NRXN3: variants seen among roughly 807,000 people sequenced by gnomAD.
NRXN3 encodes the protein neurexin 3.
A neutral mutation model predicts 137.6 loss-of-function variants in NRXN3; 32 were observed. The observed-to-expected ratio is 0.23, with a 90% confidence interval of 0.18 to 0.31. The LOEUF (loss-of-function observed/expected upper bound fraction) is 0.31. Among genes scored for constraint, NRXN3 ranks in the 10% least tolerant of loss-of-function variants. The pLI is 1.00. For missense variants in NRXN3, 1,574 were observed against 2,062.5 expected (o/e 0.76, Z 4.59); for synonymous variants, 798 against 784.5 (o/e 1.02, Z -0.29).
At chr14:79,378,415 C>G (rs551325591) in intron 15 of NRXN3, among the ~76,000 whole-genome samples, 2 of 152,280 alleles carry the variant, frequency 1.3e-5, no homozygotes, top group East Asian at 3.9e-4. Context: ...CTGGTTAAAA[C>G]TGAGTGTCAG....
chr14:79,832,212 A>T (rs1254579366), intron 20 of NRXN3, among the ~76,000 whole-genome samples: 7 of 152,144 alleles, frequency 4.6e-5, no homozygotes, highest in Non-Finnish European at 8.8e-5. Flanking sequence ...TTGTTGAATG[A>T]GTCGAGGGCA....
intron 10 of NRXN3, among the ~76,000 whole-genome samples, chr14:78,856,009 A>G (rs1157298809): frequency 6.6e-6 from 1 of 152,076 alleles, no homozygotes; most frequent in Non-Finnish European, 1.5e-5. Flanking sequence ...TTCTTTCCTC[A>G]TTGGTACCAA....
intron 16 of NRXN3, among the ~76,000 whole-genome samples, chr14:79,504,852 T>C (rs984961308): frequency 6.6e-6 from 1 of 151,940 alleles, no homozygotes. Context: ...AGTAAAATTA[T>C]TATCATTTTG....
chr14:79,845,365 T>C (rs1405545703), intron 20 of NRXN3, among the ~76,000 whole-genome samples: 1 of 152,262 alleles, frequency 6.6e-6, no homozygotes, highest in East Asian at 1.9e-4. Context: ...GTTTTTGGCC[T>C]ATTTCAGCTT....
At chr14:78,757,987 G>A (rs565725677) in intron 8 of NRXN3, among the ~76,000 whole-genome samples, 2 of 152,282 alleles carry the variant, frequency 1.3e-5, no homozygotes, top group East Asian at 3.9e-4. Context: ...TTATTTATGG[G>A]AAATAATTAT....
At chr14:79,079,306 G>C (rs1301932029) in intron 15 of NRXN3, among the ~76,000 whole-genome samples, 2 of 152,060 alleles carry the variant, frequency 1.3e-5, no homozygotes, top group African/African-American at 2.4e-5. Flanking sequence ...TTAGAAAACT[G>C]TCATAGTAAA....
chr14:78,189,673 A>G (rs562081694), intron 1 of NRXN3, among the ~76,000 whole-genome samples: 13 of 151,722 alleles, frequency 8.6e-5, no homozygotes, highest in African/African-American at 3.1e-4. Flanking sequence ...TGCAACCTCC[A>G]CTTCCGGGTT....
chr14:79,063,266 T>C (rs993001635), intron 15 of NRXN3, among the ~76,000 whole-genome samples: 1 of 152,084 alleles, frequency 6.6e-6, no homozygotes, highest in Non-Finnish European at 1.5e-5. Context: ...AATTGACAGT[T>C]ATTTTATGTT....
intron 20 of NRXN3, among the ~76,000 whole-genome samples, chr14:79,817,446 G>A (rs896828200): frequency 4.6e-5 from 7 of 152,296 alleles, no homozygotes; most frequent in African/African-American, 1.7e-4. Context: ...GTTTGCCACT[G>A]CTACAACTTT....
At chr14:78,741,401 C>T (rs1322294279) in intron 8 of NRXN3, among the ~76,000 whole-genome samples, 1 of 152,152 alleles carries the variant, frequency 6.6e-6, no homozygotes, top group Non-Finnish European at 1.5e-5. Flanking sequence ...ACTATGAAAA[C>T]CTCACCAGCA....
intron 4 of NRXN3, among the ~76,000 whole-genome samples, chr14:78,534,015 TCCCCATTAAGTAATGGTGCA>T (rs1170815141): frequency 2.6e-5 from 4 of 152,118 alleles, no homozygotes; most frequent in South Asian, 2.1e-4. Flanking sequence ...TTCAGGCTTT[TCCCCATTAAGTAATGGTGCA>T]CCCCATTAAG....
chr14:78,723,061 G>A (rs751410912), intron 8 of NRXN3, among the ~76,000 whole-genome samples: 5 of 152,176 alleles, frequency 3.3e-5, no homozygotes, highest in Admixed American at 6.5e-5. Context: ...GGAAGTTTTC[G>A]AAGATGCAGC....
At chr14:78,636,514 G>A (rs945072168) in intron 4 of NRXN3, among the ~76,000 whole-genome samples, 3 of 152,066 alleles carry the variant, frequency 2.0e-5, no homozygotes, top group Non-Finnish European at 4.4e-5. Context: ...GAATAAAGGA[G>A]ACATGGTCAA....
intron 19 of NRXN3, among the ~76,000 whole-genome samples, chr14:79,802,853 G>A (rs747611720): frequency 6.6e-6 from 1 of 151,926 alleles, no homozygotes; most frequent in African/African-American, 2.4e-5. Flanking sequence ...ATTCAGTAGT[G>A]TGTGTTTTTT....
intron 10 of NRXN3, among the ~76,000 whole-genome samples, chr14:78,824,189 A>G (rs2098959846): frequency 7.0e-6 from 1 of 143,290 alleles, no homozygotes; most frequent in Non-Finnish European, 1.5e-5. Context: ...AGGAAGGGGT[A>G]TACTGAGGCA....
At chr14:78,189,760 A>G (rs1293912357) in intron 1 of NRXN3, among the ~76,000 whole-genome samples, 1 of 151,976 alleles carries the variant, frequency 6.6e-6, no homozygotes, top group South Asian at 2.1e-4. Context: ...TAATTTTTGT[A>G]TTTTTAGTAG....
chr14:78,788,362 T>G (rs981202876), intron 8 of NRXN3, among the ~76,000 whole-genome samples: 3 of 152,238 alleles, frequency 2.0e-5, no homozygotes, highest in African/African-American at 7.2e-5. Flanking sequence ...CTTGCAACTC[T>G]GGATCCATTT....
At chr14:79,170,281 A>G (rs1410152060) in intron 15 of NRXN3, among the ~76,000 whole-genome samples, 1 of 152,160 alleles carries the variant, frequency 6.6e-6, no homozygotes, top group Non-Finnish European at 1.5e-5. Context: ...AAAATGTGTC[A>G]CTGAAACTTA....
chr14:79,178,390 T>A (rs2062574800), intron 15 of NRXN3, among the ~76,000 whole-genome samples: 1 of 152,228 alleles, frequency 6.6e-6, no homozygotes, highest in Non-Finnish European at 1.5e-5. Flanking sequence ...TTTATTAGCC[T>A]ACTATTGTGG....
Sources: allele counts gnomAD v4.1 joint callset (sites outside exome capture counted in the v4.1 genomes callset), GRCh38; gene constraint gnomAD v4.1.1; transcripts MANE v1.5; gene names NCBI Gene and HGNC (gene_info 2026-07-23, HGNC 2026-07-21).